The following DNM3 variants were observed in gnomAD, a reference collection of about 807,000 sequenced individuals.
DNM3 encodes the protein dynamin 3, also known as dynamin-3.
In DNM3, 47 loss-of-function variants were observed where a neutral mutation model predicts 101.6. The observed-to-expected ratio is 0.46, with a 90% CI of 0.37 to 0.59. The LOEUF is 0.59. DNM3 is among the 20% of genes least tolerant of loss of function. The probability of loss-of-function intolerance (pLI) is 0.00; values close to 1 mark genes in which losing one functional copy is unlikely to be tolerated. For missense variants in DNM3, 849 were observed against 1,085.7 expected (o/e 0.78, Z 3.06); for synonymous variants, 385 against 387.9 (o/e 0.99, Z 0.09).
rs1255596170 is a variant in DNM3, at chr1:171,894,898, T to G, written c.162-26850T>G. On this transcript the variant is annotated intron_variant, in intron 1 of 20. Transcript: ENST00000627582. ...TGATGGTTTCCAGCTTCATCCATTC[T>G]GCCCTTGTGATAGTTTTCTGAGAAT... Among the ~76,000 whole-genome samples, 4 of 152,240 alleles carry G rather than the reference T, an allele frequency of 2.6e-5. No homozygotes were observed. The East Asian group carries it at 7.7e-4, about 29-fold the overall frequency.
Position 172,048,695 on chromosome 1 carries a change from G to T in DNM3, c.1280G>T (p.Ser427Ile). ...IVKLKGPSLK[S>I]VDLVIQELIN... The stretch of plus-strand genomic sequence containing the variant: ...AAGTTGAAAGGGCCTTCCTTGAAGA[G>T]TGTGGATCTGGTAATACAAGAATTA... The change falls in exon 10 of 21, where the codon AGT (serine) becomes ATT (isoleucine). Residue 427 changes from serine (S) to isoleucine (I), a missense_variant. Ser to Ile is a moderately radical substitution (Grantham distance 142, BLOSUM62 -2). Around this residue, in one of 5 missense-constraint regions of DNM3, gnomAD observed 193 missense variants for 238.4 expected, o/e 0.81. Transcript: ENST00000627582. 1 of 1,613,652 alleles carries T rather than the reference G, an allele frequency of 6.2e-7. No homozygotes were observed. The highest frequency in any genetic ancestry group is 8.5e-7 in the Non-Finnish European group (1 of 1,179,680).
chr1:172,005,876 C>G (rs2046653699), intron 4 of DNM3, among the ~76,000 whole-genome samples: 1 of 151,954 alleles, frequency 6.6e-6, no homozygotes, highest in South Asian at 2.1e-4. Context: ...GAGTGAAGGA[C>G]AAAATTGACT....
intron 14 of DNM3, among the ~76,000 whole-genome samples, chr1:172,227,309 A>T (rs191310801): frequency 0.019 from 1,203 of 62,294 alleles, 21 homozygotes; most frequent in African/African-American, 0.062. Context: ...TATATATCAC[A>T]TTTTCTTTAT....
chr1:172,343,388 T>C (rs189210132), intron 17 of DNM3, among the ~76,000 whole-genome samples: 25 of 152,088 alleles, frequency 1.6e-4, no homozygotes, highest in Admixed American at 1.5e-3. Context: ...GAAATCCACT[T>C]TAAAAAAAAA....
intron 13 of DNM3, among the ~76,000 whole-genome samples, chr1:172,116,966 G>C (rs2055945011): frequency 6.6e-6 from 1 of 152,090 alleles, no homozygotes; most frequent in Non-Finnish European, 1.5e-5. Flanking sequence ...ATCACTTTGG[G>C]AGGCTGAGGT....
intron 15 of DNM3, among the ~76,000 whole-genome samples, chr1:172,305,628 T>A (rs2064767641): frequency 6.6e-6 from 1 of 151,948 alleles, no homozygotes; most frequent in Non-Finnish European, 1.5e-5. Context: ...GATGCAAAAA[T>A]CCTCAATAAA....
At chr1:171,936,109 C>A (rs2041398406) in intron 2 of DNM3, among the ~76,000 whole-genome samples, 1 of 151,752 alleles carries the variant, frequency 6.6e-6, no homozygotes, top group East Asian at 1.9e-4. Flanking sequence ...ATAATCCCAG[C>A]ACTTTGGGAG....
At chr1:172,038,936 GT>G (rs752622029) in intron 7 of DNM3, among the ~76,000 whole-genome samples, 41 of 148,838 alleles carry the variant, frequency 2.8e-4, no homozygotes, top group Non-Finnish European at 4.3e-4. Flanking sequence ...TAAGGCTGTA[GT>G]TTTTTTTTTT....
intron 14 of DNM3, among the ~76,000 whole-genome samples, chr1:172,186,647 C>T (rs2059535903): frequency 6.6e-6 from 1 of 151,962 alleles, no homozygotes; most frequent in African/African-American, 2.4e-5. Context: ...GACTTCTCAC[C>T]CTCTATTGAT....
intron 4 of DNM3, among the ~76,000 whole-genome samples, chr1:172,007,350 C>G (rs564378031): frequency 1.3e-5 from 2 of 152,200 alleles, no homozygotes; most frequent in South Asian, 4.1e-4. Context: ...GTCTGTGAGG[C>G]AGCATTGATG....
At chr1:172,121,804 T>C (rs527796047) in intron 13 of DNM3, among the ~76,000 whole-genome samples, 14 of 152,342 alleles carry the variant, frequency 9.2e-5, no homozygotes, top group African/African-American at 3.4e-4. Context: ...TTGGCAGCTG[T>C]ATTTTAAAAA....
intron 4 of DNM3, among the ~76,000 whole-genome samples, chr1:172,026,002 A>G (rs2048176933): frequency 6.6e-6 from 1 of 152,024 alleles, no homozygotes. Flanking sequence ...GTAATAACAA[A>G]CTCCTCTGAG....
intron 17 of DNM3, chr1:172,338,742 A>T: frequency 2.3e-6 from 1 of 442,856 alleles, no homozygotes; most frequent in South Asian, 1.6e-5. Flanking sequence ...TTGTTCAAAG[A>T]AGTCATTACC....
At chr1:171,928,866 C>G (rs945709539) in intron 2 of DNM3, among the ~76,000 whole-genome samples, 4 of 152,088 alleles carry the variant, frequency 2.6e-5, no homozygotes, top group Non-Finnish European at 5.9e-5. Context: ...ATGCTTGGTG[C>G]CTGCTCTGGT....
chr1:171,894,228 G>A (rs890852748), intron 1 of DNM3, among the ~76,000 whole-genome samples: 2 of 152,116 alleles, frequency 1.3e-5, no homozygotes, highest in Non-Finnish European at 2.9e-5. Context: ...AAAGTGCTGG[G>A]ATTACAGGCA....
rs190883457 is a variant in DNM3, at chr1:171,967,906, C to A, written c.236-19750C>A. ...AGATTTGAAGCCTCAATCATCTGGA[C>A]CCTCTTTGAGTCTCATACTTTGTAT... On this transcript the variant is annotated intron_variant, in intron 2 of 20. Coordinates refer to ENST00000627582, the MANE Select transcript of DNM3 (RefSeq NM_015569.5). 2.8e-3 allele frequency among the ~76,000 whole-genome samples: 432 copies of A among 152,276 alleles called. 1 individual carries two copies. Among genetic ancestry groups the A allele is most frequent in the African/African-American group, 0.01 (416 of 41,544 alleles).
At chr1:172,104,182 T>C (rs1008022826) in intron 13 of DNM3, among the ~76,000 whole-genome samples, 3 of 152,244 alleles carry the variant, frequency 2.0e-5, no homozygotes, top group African/African-American at 7.2e-5. Flanking sequence ...ATAGTACAAA[T>C]ATTTTCTGCT....
At chr1:172,212,233 A>G (rs760092013) in intron 14 of DNM3, among the ~76,000 whole-genome samples, 3 of 152,130 alleles carry the variant, frequency 2.0e-5, no homozygotes, top group Non-Finnish European at 2.9e-5. Flanking sequence ...CTAATTCTTG[A>G]TTTTGTAGCA....
intron 1 of DNM3, among the ~76,000 whole-genome samples, chr1:171,898,529 A>G (rs1260998923): frequency 2.6e-5 from 4 of 152,176 alleles, no homozygotes; most frequent in African/African-American, 4.8e-5. Flanking sequence ...AAGAAAATAC[A>G]TGTTCATTAA....
Sources: gnomAD v4.1 joint callset for allele counts (sites outside exome capture counted in the v4.1 genomes callset) on GRCh38, gnomAD v4.1.1 for gene constraint, gnomAD v4.1.1 regional missense constraint, MANE v1.5 for transcripts, NCBI Gene and HGNC (gene_info 2026-07-23, HGNC 2026-07-21) for gene names.